The following STPG2 variants were observed in gnomAD, a reference collection of about 807,000 sequenced individuals.
STPG2 encodes sperm tail PG-rich repeat containing 2, also known as sperm-tail PG-rich repeat-containing protein 2.
A neutral mutation model predicts 54.2 loss-of-function variants in STPG2; 56 were observed. That is an observed-to-expected ratio of 1.03 (90% CI 0.83 to 1.29). STPG2 has a LOEUF of 1.29. Among genes scored for constraint, STPG2 ranks in the 50% most tolerant of loss-of-function variants. The pLI is 0.00. For synonymous variants in STPG2, 200 were observed against 181.8 expected, an observed-to-expected ratio of 1.10 and a Z score of -0.81; for missense variants, 596 against 544.9, an observed-to-expected ratio of 1.09 and a Z score of -0.93.
intron 3 of STPG2, among the ~76,000 whole-genome samples, chr4:98,123,350 C>A (rs920655668): frequency 3.9e-5 from 6 of 152,298 alleles, no homozygotes; most frequent in African/African-American, 1.4e-4. Context: ...GCTCTTAACA[C>A]TGCTTTAGCT....
At chr4:97,502,700 T>C (rs559299810) in intron 4 of STPG2, among the ~76,000 whole-genome samples, 1 of 150,168 alleles carries the variant, frequency 6.7e-6, no homozygotes, top group Non-Finnish European at 1.5e-5. Flanking sequence ...AAAAAAAAAA[T>C]AGAGTTGCAA....
intron 9 of STPG2, among the ~76,000 whole-genome samples, chr4:97,740,772 A>G (rs1478206737): frequency 2.0e-5 from 3 of 152,244 alleles, no homozygotes; most frequent in Non-Finnish European, 4.4e-5. Flanking sequence ...AATATCGTGA[A>G]AATGGCAATA....
chr4:97,895,823 T>C (rs1175001364), intron 8 of STPG2, among the ~76,000 whole-genome samples: 1 of 151,778 alleles, frequency 6.6e-6, no homozygotes, highest in African/African-American at 2.4e-5. Flanking sequence ...TGGGAATCAC[T>C]TGGAGAGGTT....
chr4:97,823,659 C>G (rs6827131), intron 9 of STPG2, among the ~76,000 whole-genome samples: 37,165 of 152,018 alleles, frequency 0.24, 5,307 homozygotes, highest in Middle Eastern at 0.36. Flanking sequence ...GATTTGGACC[C>G]CTTTCTGGTA....
chr4:97,770,389 C>T (rs1016036497), intron 9 of STPG2, among the ~76,000 whole-genome samples: 3 of 152,076 alleles, frequency 2.0e-5, no homozygotes, highest in Non-Finnish European at 4.4e-5. Context: ...GGAGGAAGAA[C>T]ATTACAGGGT....
At chr4:98,013,365 G>T (rs1307904679) in intron 5 of STPG2, among the ~76,000 whole-genome samples, 1 of 152,022 alleles carries the variant, frequency 6.6e-6, no homozygotes, top group Admixed American at 6.6e-5. Context: ...TTTATTGAGG[G>T]TTTTCGCATG....
At chr4:98,045,342 T>TC in intron 5 of STPG2, among the ~76,000 whole-genome samples, 1 of 152,168 alleles carries the variant, frequency 6.6e-6, no homozygotes, top group Admixed American at 6.5e-5. Context: ...TTCAGTTTTT[T>TC]CCCTCTAAGA....
At chr4:97,739,771 A>G (rs2149035095) in intron 9 of STPG2, among the ~76,000 whole-genome samples, 1 of 152,330 alleles carries the variant, frequency 6.6e-6, no homozygotes, top group South Asian at 2.1e-4. Context: ...TCACAGCCAA[A>G]TTCTACCAGA....
chr4:98,120,700 A>G (rs1309407057), intron 3 of STPG2, among the ~76,000 whole-genome samples: 1 of 152,172 alleles, frequency 6.6e-6, no homozygotes, highest in African/African-American at 2.4e-5. Flanking sequence ...TGGCTACACA[A>G]ATATCTTCTT....
chr4:97,552,891 G>C (rs1487351459), intron 4 of STPG2, among the ~76,000 whole-genome samples: 1 of 152,010 alleles, frequency 6.6e-6, no homozygotes, highest in African/African-American at 2.4e-5. Context: ...ACTAATACTA[G>C]GCCCTGAGTC....
intron 4 of STPG2, among the ~76,000 whole-genome samples, chr4:97,452,423 G>A (rs1324488563): frequency 6.6e-6 from 1 of 152,112 alleles, no homozygotes; most frequent in African/African-American, 2.4e-5. Context: ...CCTGAAGGCT[G>A]GGCCAGGCTG....
intron 3 of STPG2, among the ~76,000 whole-genome samples, chr4:98,116,887 T>C (rs1739538506): frequency 6.6e-6 from 1 of 152,008 alleles, no homozygotes; most frequent in South Asian, 2.1e-4. Context: ...CATGAAACAA[T>C]CCATTAGTCT....
At chr4:97,911,240 G>A (rs1442792587) in intron 8 of STPG2, among the ~76,000 whole-genome samples, 1 of 152,066 alleles carries the variant, frequency 6.6e-6, no homozygotes, top group Non-Finnish European at 1.5e-5. Flanking sequence ...GGCACACACA[G>A]AAACACAGGA....
At chr4:98,055,530 A>G (rs1737453664) in intron 5 of STPG2, among the ~76,000 whole-genome samples, 1 of 152,122 alleles carries the variant, frequency 6.6e-6, no homozygotes, top group Non-Finnish European at 1.5e-5. Flanking sequence ...ACCCACTCTC[A>G]CCATGGGCCT....
At position 97,859,706 on chromosome 4, in the gene STPG2, G is replaced by A. The variant is rs146917033; in HGVS notation, c.1045-18774C>T. Among the ~76,000 whole-genome samples the A allele has an allele frequency of 2.4e-3, 370 of 152,074 alleles. 1 individual carries two copies. The highest frequency in any genetic ancestry group is 8.2e-3 in the African/African-American group (341 of 41,522). ...TCTTGAAATCCTGACCTCGTGATCCGCCAACTTGGCCTCCCAAAGTGCTGG... is the reference window on the plus strand; with the variant it reads ...TCTTGAAATCCTGACCTCGTGATCCACCAACTTGGCCTCCCAAAGTGCTGG... On this transcript the variant is annotated intron_variant, in intron 8 of 10. Coordinates refer to ENST00000295268, the MANE Select transcript of STPG2 (RefSeq NM_174952.3).
intron 9 of STPG2, among the ~76,000 whole-genome samples, chr4:97,741,915 G>A (rs1178694135): frequency 5.3e-5 from 8 of 151,962 alleles, no homozygotes; most frequent in East Asian, 1.9e-4. Context: ...ACATGCACAC[G>A]TATGTTTATT....
At chr4:97,483,323 C>T (rs944660787) in intron 4 of STPG2, among the ~76,000 whole-genome samples, 4 of 151,182 alleles carry the variant, frequency 2.6e-5, no homozygotes, top group African/African-American at 9.7e-5. Context: ...CTATCTGCTG[C>T]CTTCAGGAGA....
chr4:98,031,634 G>A (rs550267263), intron 5 of STPG2, among the ~76,000 whole-genome samples: 39 of 152,064 alleles, frequency 2.6e-4, no homozygotes, highest in African/African-American at 6.7e-4. Flanking sequence ...GCAGTGAGCC[G>A]AGATCATGCC....
intron 9 of STPG2, among the ~76,000 whole-genome samples, chr4:97,826,089 C>A (rs1728251660): frequency 6.6e-6 from 1 of 152,132 alleles, no homozygotes. Flanking sequence ...CAGCTTTTAT[C>A]TACACTTCTG....
Sources: allele counts gnomAD v4.1 joint callset (sites outside exome capture counted in the v4.1 genomes callset), GRCh38; gene constraint gnomAD v4.1.1; transcripts MANE v1.5; gene names NCBI Gene and HGNC (gene_info 2026-07-23, HGNC 2026-07-21).